The following RABIF variants were observed in gnomAD, a reference collection of about 807,000 sequenced individuals.
The protein encoded by RABIF is RAB interacting factor.
Under a neutral mutation model 12.3 loss-of-function variants are expected in RABIF, and 13 were observed. The ratio of observed to expected loss-of-function variants is 1.06; its 90% confidence interval spans 0.69 to 1.68. RABIF has a LOEUF of 1.68. Ranked by LOEUF, RABIF falls within the 40% of genes most tolerant of loss-of-function variation. The pLI is 0.00. For missense variants in RABIF, 153 were observed against 158.0 expected, an observed-to-expected ratio of 0.97 and a Z score of 0.17; for synonymous variants, 70 against 63.3, an observed-to-expected ratio of 1.11 and a Z score of -0.50.
At chr1:202,888,800 T>G (rs942410548) in intron 1 of RABIF, among the ~76,000 whole-genome samples, 173 bp downstream of exon 1, 1 of 152,186 alleles carries the variant, frequency 6.6e-6, no homozygotes, top group African/African-American at 2.4e-5. Context: ...CTCCCTAGCC[T>G]TCAGCGGCCC....
Position 202,889,137 on chromosome 1 carries a change from A to C in RABIF, c.-39T>G. 4 of 1,577,252 alleles carry C rather than the reference A, an allele frequency of 2.5e-6. No homozygotes were observed. The highest frequency in any genetic ancestry group is 3.4e-6 in the Non-Finnish European group (4 of 1,161,958). On this transcript the variant is annotated 5_prime_UTR_variant, in exon 1 of 2. Transcript: ENST00000367262. ...ACAGGCTCCTCAGCCACGGCTGCGC[A>C]GACGCTGTCTCTGCTGGCTCGTTAT...
At chr1:202,886,954 G>A (rs1571506017) in intron 1 of RABIF, among the ~76,000 whole-genome samples, 1 of 149,974 alleles carries the variant, frequency 6.7e-6, no homozygotes, top group African/African-American at 2.5e-5. Flanking sequence ...GGCAGTTGTT[G>A]AACTCCTGAC....
intron 1 of RABIF, among the ~76,000 whole-genome samples, chr1:202,886,227 G>C (rs1220882252): frequency 2.3e-5 from 1 of 43,444 alleles, no homozygotes; most frequent in Non-Finnish European, 6.3e-5. Flanking sequence ...AGAGCACAAC[G>C]GGGAACGGGA....
rs144340526 is a variant in RABIF at position 202,881,201 on chromosome 1, T to C, written c.149A>G (p.Lys50Arg). 11 of 1,613,342 alleles carry C rather than the reference T, an allele frequency of 6.8e-6. No individual in the cohort carries two copies. Among genetic ancestry groups the C allele is most frequent in the Middle Eastern group, 1.6e-4 (1 of 6,080 alleles). Residue 50 changes from lysine to arginine, a missense_variant, in exon 2 of 2, where the codon AAG (lysine) becomes AGG (arginine). Around this residue, in one of 2 missense-constraint regions of RABIF, gnomAD observed 113 missense variants for 90.9 expected, o/e 1.24. Coordinates refer to ENST00000367262, the MANE Select transcript of RABIF (RefSeq NM_002871.5). The stretch of plus-strand genomic sequence containing the variant: ...GCTGCCGTCAGACAGAGCTGGCTTC[T>C]TTCTCATGGAGGGAAGGAAAAGCTG... ...RRQLFLPSMR[K>R]KPALSDGSNP...
chr1:202,881,238 A>C lies in RABIF; in HGVS notation c.127-15T>G. On this transcript the variant is annotated splice_polypyrimidine_tract_variant and intron_variant, in intron 1 of 1. Transcript: ENST00000367262. ...GGAAGGAAAAGCTGCAGTGGGAAAG[A>C]ACATAAAGAACGCAGAAGTTGAACT... 1 of 1,605,036 alleles carries C rather than the reference A, an allele frequency of 6.2e-7. No individual in the cohort carries two copies. The highest frequency in any genetic ancestry group is 8.5e-7 in the Non-Finnish European group (1 of 1,174,366).
intron 1 of RABIF, among the ~76,000 whole-genome samples, chr1:202,884,563 G>A (rs1659532708): frequency 6.6e-6 from 1 of 152,170 alleles, no homozygotes; most frequent in African/African-American, 2.4e-5. Flanking sequence ...CAGCCACTGT[G>A]TTAGAAGTCC....
rs552934592 is a variant in RABIF, at chr1:202,885,444, C to G, written c.126+3529G>C. ...AGGCCACCTCTAGCCAGACTCCTTA[C>G]ACCTTTCTGCAGGCTTAACGGCTGG... On this transcript the variant is annotated intron_variant, in intron 1 of 1. Transcript: ENST00000367262. Among the ~76,000 whole-genome samples the G allele has an allele frequency of 4.6e-5, 7 of 152,374 alleles. No homozygotes were observed. The East Asian group carries it at 1.4e-3, about 29-fold the overall frequency.
At chr1:202,888,927 TC>T in intron 1 of RABIF, 45 bp downstream of exon 1, 1 of 1,477,340 alleles carries the variant, frequency 6.8e-7, no homozygotes, top group Non-Finnish European at 9.0e-7. Context: ...CGGCGGCTCG[TC>T]GGGGGAGACT....
chr1:202,886,284 GGGGGAAGGGAGGGGAGGGGGA>G (rs1392579243), intron 1 of RABIF, among the ~76,000 whole-genome samples: 2 of 122,822 alleles, frequency 1.6e-5, no homozygotes, highest in Non-Finnish European at 3.5e-5. Flanking sequence ...AAAGGAAAGC[GGGGGAAGGGAGGGGAGGGGGA>G]GGGGATGGGA....
At chr1:202,884,718 C>T (rs1168924418) in intron 1 of RABIF, among the ~76,000 whole-genome samples, 1 of 152,120 alleles carries the variant, frequency 6.6e-6, no homozygotes, top group Admixed American at 6.6e-5. Flanking sequence ...TTTCTGATTG[C>T]CATCACATCA....
chr1:202,888,536 G>A (rs1659598232), intron 1 of RABIF, among the ~76,000 whole-genome samples: 2 of 152,348 alleles, frequency 1.3e-5, no homozygotes, highest in South Asian at 2.1e-4. Flanking sequence ...TCTAAAGTGG[G>A]AAAGGAACCC....
intron 1 of RABIF, among the ~76,000 whole-genome samples, chr1:202,882,874 A>C (rs933900666): frequency 6.6e-6 from 1 of 152,180 alleles, no homozygotes; most frequent in Admixed American, 6.5e-5. Context: ...TGAACATAGA[A>C]TATCTGGCTT....
intron 1 of RABIF, among the ~76,000 whole-genome samples, chr1:202,884,144 CT>C (rs1233652352): frequency 2.0e-5 from 3 of 152,134 alleles, no homozygotes; most frequent in Non-Finnish European, 2.9e-5. Flanking sequence ...CCTGGACAAC[CT>C]CTTCAGAAAT....
chr1:202,887,743 T>G (rs368778611), intron 1 of RABIF, among the ~76,000 whole-genome samples: 2 of 152,108 alleles, frequency 1.3e-5, no homozygotes, highest in African/African-American at 4.8e-5. Context: ...ACCTCAGGTG[T>G]TCCGCCCGCC....
chr1:202,883,052 A>C (rs1170848579), intron 1 of RABIF, among the ~76,000 whole-genome samples: 1 of 152,152 alleles, frequency 6.6e-6, no homozygotes, highest in African/African-American at 2.4e-5. Context: ...AGTTGCTTTA[A>C]TTTCTTCAAT....
chr1:202,888,155 A>C (rs1238334139), intron 1 of RABIF, among the ~76,000 whole-genome samples: 1 of 152,248 alleles, frequency 6.6e-6, no homozygotes, highest in Non-Finnish European at 1.5e-5. Context: ...TTTTAGAAAT[A>C]ATTTTGAATG....
At chr1:202,884,680 C>G (rs931375014) in intron 1 of RABIF, among the ~76,000 whole-genome samples, 37 of 152,092 alleles carry the variant, frequency 2.4e-4, no homozygotes, top group African/African-American at 8.9e-4. Flanking sequence ...CCCTCCCAGC[C>G]CACAGGCAGA....
intron 1 of RABIF, among the ~76,000 whole-genome samples, chr1:202,882,395 C>CA (rs1365554480): frequency 2.0e-5 from 3 of 151,962 alleles, no homozygotes; most frequent in African/African-American, 7.2e-5. Context: ...AAAACAACAA[C>CA]AACAAAAAAA....
intron 1 of RABIF, among the ~76,000 whole-genome samples, chr1:202,885,950 T>TA (rs1279934793): frequency 7.2e-6 from 1 of 138,810 alleles, no homozygotes; most frequent in Non-Finnish European, 1.6e-5. Context: ...AAGCCATTGT[T>TA]AAAAAACACA....
Sources: allele counts gnomAD v4.1 joint callset (sites outside exome capture counted in the v4.1 genomes callset), GRCh38; gene constraint gnomAD v4.1.1; regional missense constraint gnomAD v4.1.1; transcripts MANE v1.5; gene names NCBI Gene and HGNC (gene_info 2026-07-23, HGNC 2026-07-21).